SORCS2: variants seen among roughly 807,000 people sequenced by gnomAD.
The protein encoded by SORCS2 is VPS10 domain-containing receptor SorCS2.
SORCS2 carries 100 observed loss-of-function variants against 141.6 expected under a neutral mutation model. The ratio of observed to expected loss-of-function variants is 0.71; its 90% confidence interval spans 0.60 to 0.83. The LOEUF (loss-of-function observed/expected upper bound fraction) is 0.83, where lower values mean the gene tolerates loss of function less well. Ranked by LOEUF, SORCS2 falls within the 40% of genes least tolerant of loss-of-function variation. The pLI is 0.00. For synonymous variants in SORCS2, 789 were observed against 676.9 expected, an observed-to-expected ratio of 1.17 and a Z score of -2.57; for missense variants, 1,646 against 1,560.2, an observed-to-expected ratio of 1.05 and a Z score of -0.93.
chr4:7,481,165 G>C (rs892121011), intron 2 of SORCS2, among the ~76,000 whole-genome samples: 1 of 152,270 alleles, frequency 6.6e-6, no homozygotes, highest in Non-Finnish European at 1.5e-5. Context: ...GCATGCACCT[G>C]AGTGGGAGCC....
intron 2 of SORCS2, among the ~76,000 whole-genome samples, chr4:7,488,879 A>C (rs1395653725): frequency 6.6e-6 from 1 of 152,246 alleles, no homozygotes; most frequent in Non-Finnish European, 1.5e-5. Flanking sequence ...TTACATGCTT[A>C]AACTTCTGAG....
chr4:7,312,060 A>G (rs1009044055), intron 1 of SORCS2, among the ~76,000 whole-genome samples: 2 of 152,026 alleles, frequency 1.3e-5, no homozygotes, highest in African/African-American at 2.4e-5. Context: ...TATTTTTAGT[A>G]GAGATGGAGT....
intron 19 of SORCS2, 25 bp from the exon 20 acceptor site, chr4:7,725,129 C>G (rs1380040908): frequency 6.2e-7 from 1 of 1,609,548 alleles, no homozygotes; most frequent in Admixed American, 1.7e-5. Context: ...TATCATCTAA[C>G]CCTGGCCTTT....
chr4:7,204,508 A>G (rs1229823018), intron 1 of SORCS2, among the ~76,000 whole-genome samples: 1 of 152,124 alleles, frequency 6.6e-6, no homozygotes, highest in Non-Finnish European at 1.5e-5. Context: ...GTGAGCCACC[A>G]TGCCTGGCTT....
At chr4:7,642,848 G>A (rs1216279834) in intron 4 of SORCS2, among the ~76,000 whole-genome samples, 1 of 152,176 alleles carries the variant, frequency 6.6e-6, no homozygotes, top group African/African-American at 2.4e-5. Context: ...TCATGATGAG[G>A]GGGCAGAGGC....
chr4:7,591,268 C>T (rs1422946266), intron 3 of SORCS2, among the ~76,000 whole-genome samples: 1 of 152,204 alleles, frequency 6.6e-6, no homozygotes, highest in African/African-American at 2.4e-5. Flanking sequence ...TCCTTCCTAA[C>T]AAGGTGTCTC....
intron 3 of SORCS2, among the ~76,000 whole-genome samples, chr4:7,546,577 G>A (rs1713279662): frequency 6.6e-6 from 1 of 151,956 alleles, no homozygotes; most frequent in African/African-American, 2.4e-5. Context: ...GAGAGCAGCT[G>A]AGGGAACCCA....
intron 1 of SORCS2, among the ~76,000 whole-genome samples, chr4:7,336,859 G>A (rs1286156076): frequency 6.6e-6 from 1 of 152,186 alleles, no homozygotes; most frequent in Non-Finnish European, 1.5e-5. Context: ...ACGGAGCTGG[G>A]AACAGAAGGC....
chr4:7,554,512 C>T (rs893333159), intron 3 of SORCS2, among the ~76,000 whole-genome samples: 1 of 152,266 alleles, frequency 6.6e-6, no homozygotes, highest in East Asian at 1.9e-4. Flanking sequence ...ATGAGACAGT[C>T]CTGGTGCTAG....
chr4:7,248,214 T>C (rs1713254289), intron 1 of SORCS2, among the ~76,000 whole-genome samples: 1 of 152,166 alleles, frequency 6.6e-6, no homozygotes, highest in African/African-American at 2.4e-5. Context: ...CATGATCGCA[T>C]GGGGTCCTTG....
At chr4:7,693,741 G>A (rs1444062804) in intron 11 of SORCS2, among the ~76,000 whole-genome samples, 1 of 152,240 alleles carries the variant, frequency 6.6e-6, no homozygotes. Context: ...CTTGACTCAG[G>A]GAACTGAGTC....
intron 1 of SORCS2, among the ~76,000 whole-genome samples, chr4:7,258,784 A>G (rs1263223198): frequency 6.6e-6 from 1 of 152,118 alleles, no homozygotes; most frequent in Admixed American, 6.6e-5. Flanking sequence ...CATCCTCTCC[A>G]GCATGTTTCC....
At chr4:7,525,897 G>GTCCCCTCAGTCACCTC (rs1733658008) in intron 2 of SORCS2, among the ~76,000 whole-genome samples, 2 of 122,636 alleles carry the variant, frequency 1.6e-5, no homozygotes, top group African/African-American at 6.8e-5. Flanking sequence ...TCAGTCACCT[G>GTCCCCTCAGTCACCTC]TCTCCTCCTG....
intron 1 of SORCS2, among the ~76,000 whole-genome samples, chr4:7,217,688 C>G (rs908972601): frequency 1.3e-5 from 2 of 152,108 alleles, no homozygotes; most frequent in Non-Finnish European, 2.9e-5. Flanking sequence ...CTCTCCTTGA[C>G]TCGTTATGTA....
intron 3 of SORCS2, among the ~76,000 whole-genome samples, chr4:7,616,161 A>G (rs1290476438): frequency 1.3e-5 from 2 of 152,148 alleles, no homozygotes; most frequent in Non-Finnish European, 2.9e-5. Context: ...AGCTGGAATC[A>G]TCTCCCTGAG....
intron 3 of SORCS2, among the ~76,000 whole-genome samples, chr4:7,572,743 A>G (rs1480226002): frequency 6.6e-6 from 1 of 152,180 alleles, no homozygotes; most frequent in Admixed American, 6.5e-5. Context: ...AGCTCCATCA[A>G]TTGTCAATCA....
At chr4:7,375,618 G>T (rs976730030) in intron 1 of SORCS2, among the ~76,000 whole-genome samples, 2 of 152,218 alleles carry the variant, frequency 1.3e-5, no homozygotes, top group African/African-American at 4.8e-5. Context: ...TTCAGGCTTG[G>T]CTGCCCAGAA....
At chr4:7,283,660 G>A (rs1309403293) in intron 1 of SORCS2, among the ~76,000 whole-genome samples, 1 of 152,206 alleles carries the variant, frequency 6.6e-6, no homozygotes, top group East Asian at 1.9e-4. Context: ...GTTGGCGGCA[G>A]TTTCTGCAGC....
intron 18 of SORCS2, 138 bp downstream of exon 18, chr4:7,718,321 C>T: frequency 1.0e-6 from 1 of 953,686 alleles, no homozygotes; most frequent in Non-Finnish European, 1.5e-6. Context: ...CCTGTCCAGA[C>T]TGAAGGAGGC....
Sources: allele counts gnomAD v4.1 joint callset (sites outside exome capture counted in the v4.1 genomes callset), GRCh38; gene constraint gnomAD v4.1.1; transcripts MANE v1.5; gene names NCBI Gene and HGNC (gene_info 2026-07-23, HGNC 2026-07-21).